The following WASHC4 variants were observed in gnomAD, a reference collection of about 807,000 sequenced individuals.
WASHC4 encodes the protein WASH complex subunit 4.
A neutral mutation model predicts 166.6 loss-of-function variants in WASHC4; 86 were observed. The ratio of observed to expected loss-of-function variants is 0.52; its 90% CI spans 0.43 to 0.62. The LOEUF (loss-of-function observed/expected upper bound fraction) is 0.62. Among genes scored for constraint, WASHC4 ranks in the 20% least tolerant of loss-of-function variants. The pLI, the probability that WASHC4 is intolerant of heterozygous loss-of-function variation, is 0.00. For missense variants in WASHC4, 1,262 were observed against 1,382.4 expected, an observed-to-expected ratio of 0.91 and a Z score of 1.38; for synonymous variants, 446 against 451.6, an observed-to-expected ratio of 0.99 and a Z score of 0.16.
At chr12:105,148,995 G>T (rs1883525801) in intron 24 of WASHC4, 1 of 983,166 alleles carries the variant, frequency 1.0e-6, no homozygotes, top group Non-Finnish European at 1.2e-6. Context: ...AACATTCTGA[G>T]AAATTATTAC....
chr12:105,142,559 G>C lies in WASHC4; in HGVS notation c.1893+1G>C. 1 of 1,461,500 alleles carries C rather than the reference G, an allele frequency of 6.8e-7. No homozygotes were observed. The highest frequency in any genetic ancestry group is 9.6e-7 in the Non-Finnish European group (1 of 1,043,440). The allele number at this position is 1,461,500 out of a possible 1,614,324, so 90.5% of individuals were successfully genotyped here. A position where few individuals can be genotyped will look rare whatever the true frequency, so the allele number is the denominator to read the frequency against. On this transcript the variant is annotated splice_donor_variant, in intron 19 of 32. Coordinates refer to ENST00000332180, the MANE Select transcript of WASHC4 (RefSeq NM_015275.3). LOFTEE classifies it high-confidence loss of function. ...TGCTGTTGATGCAGCCAGATTACATGTAAGTAAAGAACAATATAAAGAATA... is the reference window on the plus strand; with the variant it reads ...TGCTGTTGATGCAGCCAGATTACATCTAAGTAAAGAACAATATAAAGAATA...
chr12:105,148,692 A>T, intron 24 of WASHC4: 3 of 985,312 alleles, frequency 3.0e-6, no homozygotes, highest in Admixed American at 1.2e-4. Flanking sequence ...ATTTGTTTCC[A>T]TAATTGGGTA....
At chr12:105,153,630 C>T (rs1883932437) in intron 26 of WASHC4, among the ~76,000 whole-genome samples, 1 of 152,182 alleles carries the variant, frequency 6.6e-6, no homozygotes, top group African/African-American at 2.4e-5. Flanking sequence ...GCCTATATGA[C>T]ATACGTACAC....
At chr12:105,113,394 T>A (rs945147388) in intron 2 of WASHC4, among the ~76,000 whole-genome samples, 1 of 152,028 alleles carries the variant, frequency 6.6e-6, no homozygotes, top group African/African-American at 2.4e-5. Context: ...TCTCTTAGTT[T>A]TTATCTTCCC....
rs996801873 is a variant in WASHC4, at chr12:105,124,188, C to T, written c.787-1816C>T. On this transcript the variant is annotated intron_variant, in intron 10 of 32. Transcript: ENST00000332180. ...AGGCTGGAGTGCAGTGGAGCTATCT[C>T]GGCTCACCACAACCTCTGCCTCACG... is the stretch of plus-strand genomic sequence containing the variant. Among the ~76,000 whole-genome samples the T allele has an allele frequency of 9.2e-4, 133 of 144,712 alleles. 1 individual carries two copies. Among genetic ancestry groups the T allele is most frequent in the Admixed American group, 5.5e-4 (8 of 14,440 alleles). 94.9% of individuals were successfully genotyped at this position (144,712 alleles called of 152,430 possible).
At chr12:105,124,880 C>A (rs780980760) in intron 10 of WASHC4, among the ~76,000 whole-genome samples, 24 of 152,192 alleles carry the variant, frequency 1.6e-4, no homozygotes, top group Non-Finnish European at 2.6e-4. Flanking sequence ...TAGCTTCTAA[C>A]TACATGTGGC....
In WASHC4 at chr12:105,168,544, C is replaced by G. The variant is rs972174443; in HGVS notation, c.*1613C>G. The G allele has an allele frequency of 6.6e-6, 1 of 152,300 alleles. No homozygotes were observed. Among genetic ancestry groups the G allele is most frequent in the African/African-American group, 2.4e-5 (1 of 41,418 alleles). The allele number at this position is 152,300 out of a possible 1,614,324, so 9.4% of individuals were successfully genotyped here. A position where few individuals can be genotyped will look rare whatever the true frequency, so the allele number is the denominator to read the frequency against. ...TCTTCTCTAACTTCTCTGAAATCAT[C>G]TCCTATTAAGGGATAGAAATTGTTA... On this transcript the variant is annotated 3_prime_UTR_variant, in exon 33 of 33. Transcript: ENST00000332180.
chr12:105,164,538 G>A (rs1483755848), intron 31 of WASHC4, 103 bp from the exon 32 acceptor site: 1 of 909,806 alleles, frequency 1.1e-6, no homozygotes, highest in Non-Finnish European at 1.7e-6. Context: ...TTCCACTAGA[G>A]CTTTTAAAAA....
rs563766070 is a variant in WASHC4 at position 105,160,077 on chromosome 12, G to A, written c.2989G>A (p.Val997Ile). 12 of 1,613,468 alleles carry A rather than the reference G, an allele frequency of 7.4e-6. No homozygotes were observed. Among genetic ancestry groups the A allele is most frequent in the African/African-American group, 5.3e-5 (4 of 75,038 alleles). The change falls in exon 29 of 33, where the codon GTT becomes ATT. Residue 997 changes from valine (V) to isoleucine (I), a missense_variant. Transcript: ENST00000332180. ...AGAATATTTCAAAATGCTTGTAGAC[G>A]TTTTTGCTCCAGAATTTCGAAGGCC... ...GTEYFKMLVD[V>I]FAPEFRRPKN...
At chr12:105,139,446 T>C (rs1882623096) in intron 15 of WASHC4, among the ~76,000 whole-genome samples, 2 of 145,564 alleles carry the variant, frequency 1.4e-5, no homozygotes, top group Middle Eastern at 3.3e-3. Flanking sequence ...TATATATATA[T>C]ATATATATAT....
intron 6 of WASHC4, among the ~76,000 whole-genome samples, 162 bp downstream of exon 6, chr12:105,115,890 AAAGAT>A (rs757322788): frequency 6.6e-5 from 10 of 152,156 alleles, no homozygotes; most frequent in Non-Finnish European, 1.3e-4. Context: ...ATAACTCCTA[AAAGAT>A]TTCCAAGTAT....
chr12:105,141,115 C>T (rs1882808456), intron 17 of WASHC4, 52 bp from the exon 18 acceptor site: 1 of 1,608,270 alleles, frequency 6.2e-7, no homozygotes, highest in African/African-American at 1.3e-5. Context: ...TGTTACTGAC[C>T]CTAGAAACCT....
In WASHC4 at chr12:105,168,368, G is replaced by T. The variant is rs376858291; in HGVS notation, c.*1437G>T. On this transcript the variant is annotated 3_prime_UTR_variant, in exon 33 of 33. Coordinates refer to ENST00000332180, the MANE Select transcript of WASHC4 (RefSeq NM_015275.3). Reference sequence around the variant, plus strand: ...GATAGATTAAAGGCATTTAATATTTGTAATTCATAATAACTGTAGAAATGG... The same window carrying T: ...GATAGATTAAAGGCATTTAATATTTTTAATTCATAATAACTGTAGAAATGG... 3.9e-5 allele frequency: 6 copies of T among 152,542 alleles called. No homozygotes were observed. Among genetic ancestry groups the T allele is most frequent in the African/African-American group, 1.4e-4 (6 of 41,548 alleles). 9.4% of individuals were successfully genotyped at this position (152,542 alleles called of 1,614,324 possible). A position where few individuals can be genotyped will look rare whatever the true frequency, so the allele number is the denominator to read the frequency against.
chr12:105,159,985 A>AT lies in WASHC4; in HGVS notation c.2913-10dup. 1 of 1,612,960 alleles carries AT rather than the reference A, an allele frequency of 6.2e-7. No individual in the cohort carries two copies. The highest frequency in any genetic ancestry group is 2.2e-5 in the East Asian group (1 of 44,854). ...CTTCTTTTGAGAAAGGAACCAAATA[A>AT]TTTTTTGCTTTTTAGGCATTTGGAT... On this transcript the variant is annotated splice_polypyrimidine_tract_variant and intron_variant, in intron 28 of 32. Transcript: ENST00000332180.
At chr12:105,161,517 T>C (rs1884495552) in intron 29 of WASHC4, among the ~76,000 whole-genome samples, 1 of 152,122 alleles carries the variant, frequency 6.6e-6, no homozygotes, top group Non-Finnish European at 1.5e-5. Context: ...TTGGTAAGCT[T>C]AGGAAAAAGT....
rs1283433819 is a variant in WASHC4, at chr12:105,167,758, T to A, written c.*827T>A. The stretch of plus-strand genomic sequence containing the variant: ...AACTCAGGTTTCTTCTACATTAGAT[T>A]GAATTGAAATTTTGGTGATGGTTTG... On this transcript the variant is annotated 3_prime_UTR_variant, in exon 33 of 33. Transcript: ENST00000332180. The A allele has an allele frequency of 6.6e-6, 1 of 152,524 alleles. No homozygotes were observed. Among genetic ancestry groups the A allele is most frequent in the Non-Finnish European group, 1.5e-5 (1 of 67,948 alleles). The allele number at this position is 152,524 out of a possible 1,614,324, so 9.4% of individuals were successfully genotyped here. A position where few individuals can be genotyped will look rare whatever the true frequency, so the allele number is the denominator to read the frequency against.
intron 19 of WASHC4, among the ~76,000 whole-genome samples, chr12:105,142,820 A>G (rs1566017178): frequency 6.6e-6 from 1 of 152,060 alleles, no homozygotes; most frequent in South Asian, 2.1e-4. Context: ...TCTGACATTT[A>G]CTCATCAGCA....
chr12:105,125,958 TTTA>T, intron 10 of WASHC4, 43 bp from the exon 11 acceptor site: 1 of 1,574,656 alleles, frequency 6.4e-7, no homozygotes, highest in Non-Finnish European at 8.7e-7. Context: ...TGTTTAATCG[TTTA>T]TTATTGAGAG....
chr12:105,108,169 C>A (rs936948449), intron 1 of WASHC4, among the ~76,000 whole-genome samples: 2 of 152,170 alleles, frequency 1.3e-5, no homozygotes, highest in Non-Finnish European at 2.9e-5. Flanking sequence ...CGGGGCGCGC[C>A]CGGGAGGCCC....
Sources: allele counts gnomAD v4.1 joint callset (sites outside exome capture counted in the v4.1 genomes callset), GRCh38; gene constraint gnomAD v4.1.1; transcripts MANE v1.5; gene names NCBI Gene and HGNC (gene_info 2026-07-23, HGNC 2026-07-21).